The following RET variants were observed in gnomAD, a reference collection of about 807,000 sequenced individuals.
RET encodes the protein proto-oncogene tyrosine-protein kinase receptor Ret.
A neutral mutation model predicts 118.3 loss-of-function variants in RET; 19 were observed. That is an observed-to-expected ratio of 0.16 (90% CI 0.11 to 0.24). RET has a LOEUF of 0.24. RET is among the 10% of genes least tolerant of loss of function. The pLI is 1.00. For missense variants in RET, 1,219 were observed against 1,502.1 expected (o/e 0.81, Z 3.12); for synonymous variants, 597 against 644.1 (o/e 0.93, Z 1.11).
At chr10:43,079,145 G>A (rs950164740) in intron 1 of RET, among the ~76,000 whole-genome samples, 9 of 152,132 alleles carry the variant, frequency 5.9e-5, no homozygotes, top group Non-Finnish European at 1.3e-4. Context: ...GGCACAGACT[G>A]GGTCTCTAGA....
At chr10:43,118,190 C>T (rs559989652) in intron 12 of RET, among the ~76,000 whole-genome samples, 183 bp from the exon 13 acceptor site, 54 of 152,334 alleles carry the variant, frequency 3.5e-4, no homozygotes, top group African/African-American at 1.3e-3. Flanking sequence ...GCTTCTTCCT[C>T]AGGGTGGATG....
rs566365213 is a variant in RET at position 43,080,497 on chromosome 10, G to C, written c.73+3166G>C. Among the ~76,000 whole-genome samples, 10 of 152,358 alleles carry C rather than the reference G, an allele frequency of 6.6e-5. No homozygotes were observed. The South Asian group carries it at 2.1e-3, about 32-fold the overall frequency. ...TAGCCTATGGACTCGAACCGGTAGAGAGGATGCGGGAGCTCCCCAGCCCTG... is the reference window on the plus strand; with the variant it reads ...TAGCCTATGGACTCGAACCGGTAGACAGGATGCGGGAGCTCCCCAGCCCTG... On this transcript the variant is annotated intron_variant, in intron 1 of 19. Coordinates refer to ENST00000355710, the MANE Select transcript of RET (RefSeq NM_020975.6).
At chr10:43,121,026 G>A (rs1838206195) in intron 15 of RET, among the ~76,000 whole-genome samples, 1 of 152,238 alleles carries the variant, frequency 6.6e-6, no homozygotes, top group Admixed American at 6.5e-5. Flanking sequence ...GTTGCCAGGG[G>A]TTGTGAGCTG....
intron 2 of RET, among the ~76,000 whole-genome samples, chr10:43,101,231 A>G (rs1376928269): frequency 7.4e-6 from 1 of 135,350 alleles, no homozygotes; most frequent in East Asian, 2.6e-4. Context: ...CACATGTGAC[A>G]TTGGTAATGG....
At chr10:43,118,328 C>T in intron 12 of RET, 45 bp from the exon 13 acceptor site, 1 of 1,495,076 alleles carries the variant, frequency 6.7e-7, no homozygotes, top group Non-Finnish European at 9.3e-7. Context: ...ATGGAAGGGG[C>T]TTCCAGGAGC....
At chr10:43,116,515 C>T (rs962415727) in intron 11 of RET, 69 bp from the exon 12 acceptor site, 2 of 1,585,982 alleles carry the variant, frequency 1.3e-6, no homozygotes, top group African/African-American at 1.3e-5. Context: ...AAGGGTCTTG[C>T]CTTCTTCCTC....
intron 8 of RET, 24 bp from the exon 9 acceptor site, chr10:43,112,829 C>T (rs2132812340): frequency 6.3e-7 from 1 of 1,588,346 alleles, no homozygotes; most frequent in Admixed American, 1.7e-5. Context: ...ACATGGGTGA[C>T]AGCCTGCTGT....
At chr10:43,087,761 C>T (rs1420679337) in intron 1 of RET, among the ~76,000 whole-genome samples, 1 of 152,154 alleles carries the variant, frequency 6.6e-6, no homozygotes, top group Admixed American at 6.6e-5. Flanking sequence ...CAGTGGTGGC[C>T]CTGTGGGTCT....
At chr10:43,112,019 G>T (rs1837946209) in intron 7 of RET, 80 bp from the exon 8 acceptor site, 1 of 1,539,358 alleles carries the variant, frequency 6.5e-7, no homozygotes, top group Non-Finnish European at 8.7e-7. Context: ...CTCAGCTGGT[G>T]CTGTTCCCTG....
intron 1 of RET, among the ~76,000 whole-genome samples, chr10:43,080,823 C>T (rs1837163677): frequency 1.3e-5 from 2 of 152,214 alleles, no homozygotes; most frequent in Non-Finnish European, 2.9e-5. Flanking sequence ...TGTGTGTGCT[C>T]TGTGGATGGC....
intron 1 of RET, among the ~76,000 whole-genome samples, chr10:43,096,002 G>T (rs1051183801): frequency 6.6e-6 from 1 of 152,198 alleles, no homozygotes; most frequent in Non-Finnish European, 1.5e-5. Context: ...GGTGGGTGTG[G>T]TGTGTGCCAG....
At chr10:43,124,542 C>T in intron 17 of RET, among the ~76,000 whole-genome samples, 1 of 152,252 alleles carries the variant, frequency 6.6e-6, no homozygotes, top group Non-Finnish European at 1.5e-5. Context: ...GCACTTCTCA[C>T]TTAGCTGCCA....
Position 43,111,541 on chromosome 10 carries a change from A to G in RET, c.1522+76A>G, listed in dbSNP as rs1275227165. On this transcript the variant is annotated intron_variant, in intron 7 of 19. Coordinates refer to ENST00000355710, the MANE Select transcript of RET (RefSeq NM_020975.6). ...GCCTGGGCCTCCTGCCCTTTGAGAA[A>G]AGCAGTACAGCTGCAAGGCTTAGCT... 5.3e-6 allele frequency: 8 copies of G among 1,501,252 alleles called. No individual in the cohort carries two copies. The Admixed American group carries it at 1.4e-4, about 26-fold the overall frequency. 93.0% of individuals were successfully genotyped at this position (1,501,252 alleles called of 1,614,324 possible). A position where few individuals can be genotyped will look rare whatever the true frequency, so the allele number is the denominator to read the frequency against.
chr10:43,083,859 A>G (rs1283109705), intron 1 of RET, among the ~76,000 whole-genome samples: 1 of 152,270 alleles, frequency 6.6e-6, no homozygotes, highest in Non-Finnish European at 1.5e-5. Flanking sequence ...GCACATTTAC[A>G]GCATTGAACA....
rs2132840775 is a variant in RET, at chr10:43,114,374, C to T, written c.1880-106C>T. On this transcript the variant is annotated intron_variant, in intron 10 of 19. Transcript: ENST00000355710. The surrounding 1 kb of genome is among the most constrained non-coding windows in gnomAD (Gnocchi z 4.6). Reference sequence around the variant, plus strand: ...ACCTCCATGGCCACTTCCCAGCTGGCGCGGACACGGCAGGCTGGAGAGCCA... The same window carrying T: ...ACCTCCATGGCCACTTCCCAGCTGGTGCGGACACGGCAGGCTGGAGAGCCA... 26 of 1,489,776 alleles carry T rather than the reference C, an allele frequency of 1.7e-5. No individual in the cohort carries two copies. The South Asian group carries it at 1.8e-4, about 10-fold the overall frequency. The allele number at this position is 1,489,776 out of a possible 1,614,324, so 92.3% of individuals were successfully genotyped here.
At chr10:43,105,231 G>A in intron 4 of RET, 38 bp downstream of exon 4, 1 of 1,611,836 alleles carries the variant, frequency 6.2e-7, no homozygotes, top group Non-Finnish European at 8.5e-7. Context: ...CCCAGTGTCT[G>A]TCTCCGGCCA....
chr10:43,119,152 C>G (rs555657399), intron 13 of RET, among the ~76,000 whole-genome samples: 1 of 152,248 alleles, frequency 6.6e-6, no homozygotes, highest in Non-Finnish European at 1.5e-5. Flanking sequence ...AGGCAGGAAC[C>G]CTTGCATCTG....
chr10:43,087,018 C>T (rs1338661251), intron 1 of RET, among the ~76,000 whole-genome samples: 1 of 152,254 alleles, frequency 6.6e-6, no homozygotes, highest in East Asian at 1.9e-4. Context: ...TTAGGGGTGT[C>T]AGGAGGCTCA....
At chr10:43,119,820 C>T in intron 14 of RET, 75 bp downstream of exon 14, 1 of 1,473,634 alleles carries the variant, frequency 6.8e-7, no homozygotes, top group South Asian at 1.2e-5. Flanking sequence ...CTGCCACCCA[C>T]ACCCTGGCCT....
Sources: gnomAD v4.1 joint callset for allele counts (sites outside exome capture counted in the v4.1 genomes callset) on GRCh38, gnomAD v4.1.1 for gene constraint, Gnocchi (gnomAD v3.1) non-coding constraint, MANE v1.5 for transcripts, NCBI Gene and HGNC (gene_info 2026-07-23, HGNC 2026-07-21) for gene names.